Variants in SP110 observed in about 807,000 individuals in gnomAD.
SP110 encodes the protein SP110 nuclear body protein.
SP110 carries 62 observed loss-of-function variants against 92.7 expected under a neutral mutation model. The ratio of observed to expected loss-of-function variants is 0.67; its 90% CI spans 0.55 to 0.83. The LOEUF (loss-of-function observed/expected upper bound fraction) is 0.83. Among genes scored for constraint, SP110 ranks in the 40% least tolerant of loss-of-function variants. The pLI is 0.00. For synonymous variants in SP110, 273 were observed against 305.3 expected, an observed-to-expected ratio of 0.89 and a Z score of 1.10; for missense variants, 793 against 863.9, an observed-to-expected ratio of 0.92 and a Z score of 1.03.
In SP110 at chr2:230,168,915, TA is replaced by T. The variant is rs2078355767; in HGVS notation, c.*208del. 3 of 376,004 alleles carry T rather than the reference TA, an allele frequency of 8.0e-6. No individual in the cohort carries two copies. The highest frequency in any genetic ancestry group is 3.2e-5 in the African/African-American group (1 of 31,470). The allele number at this position is 376,004 out of a possible 1,614,324, so 23.3% of individuals were successfully genotyped here. On this transcript the variant is annotated 3_prime_UTR_variant, in exon 19 of 19. Transcript: ENST00000258381. ...GTATCTGATGGTATTAAGGAAGTAT[TA>T]ATTTTTTTTTTTTTTAGTGTAGATA...
Position 230,214,988 on chromosome 2 carries a change from T to C in SP110, c.278A>G (p.Tyr93Cys). 6.2e-7 allele frequency: 1 copy of C among 1,614,076 alleles called. No homozygotes were observed. Among genetic ancestry groups the C allele is most frequent in the African/African-American group, 1.3e-5 (1 of 75,040 alleles). The change falls in exon 3 of 19, where the codon TAT becomes TGT. Residue 93 changes from tyrosine (Y) to cysteine (C), a missense_variant. Tyr to Cys is a radical substitution (Grantham distance 194). Transcript: ENST00000258381. ...TLFSQINLRE[Y>C]PNLVTIYRSF... ...TCTGTAAATCGTCACCAGATTGGGA[T>C]ATTCACGCAGGTTAATTTGACTGAA...
intron 10 of SP110, among the ~76,000 whole-genome samples, chr2:230,197,484 T>C (rs1439868303): frequency 1.3e-5 from 2 of 148,840 alleles, no homozygotes; most frequent in African/African-American, 4.9e-5. Context: ...TTTCTCCCAT[T>C]TTGTAGGTTG....
At chr2:230,184,702 C>CA (rs34261579) in intron 11 of SP110, among the ~76,000 whole-genome samples, 119,712 of 151,294 alleles carry the variant, frequency 0.79, 47,414 homozygotes, top group Admixed American at 0.84. Context: ...ACGGATTTAA[C>CA]AAAAAAAAAT....
upstream of SP110, among the ~76,000 whole-genome samples, chr2:230,221,150 G>A (rs188009474): frequency 2.6e-5 from 4 of 151,536 alleles, no homozygotes; most frequent in Admixed American, 1.3e-4. Flanking sequence ...ATGTGGTGGC[G>A]GGAACCTGTA....
At chr2:230,180,655 A>T (rs2042090009) in intron 12 of SP110, among the ~76,000 whole-genome samples, 1 of 152,188 alleles carries the variant, frequency 6.6e-6, no homozygotes, top group Admixed American at 6.5e-5. Context: ...CACATGCCAG[A>T]CCCAGTATCT....
rs1305659101 is a variant in SP110 at position 230,186,077 on chromosome 2, T to G, written c.1196A>C (p.Lys399Thr). The G allele has an allele frequency of 6.2e-7, 1 of 1,614,128 alleles. No individual in the cohort carries two copies. The highest frequency in any genetic ancestry group is 1.1e-5 in the South Asian group (1 of 91,082). Residue 399 changes from lysine to threonine, a missense_variant, in exon 11 of 19, where the codon AAA becomes ACA. Lys to Thr is a moderately conservative substitution (Grantham distance 78). Transcript: ENST00000258381. ...LQVVDKVTQR[K>T]DDSTWNSEVM... The stretch of plus-strand genomic sequence containing the variant: ...CTCTGAGTTCCAGGTTGAGTCGTCT[T>G]TCCTTTGAGTCACCTTATCCACCAC...
intron 7 of SP110, among the ~76,000 whole-genome samples, chr2:230,209,325 GT>G (rs948543501): frequency 2.0e-5 from 3 of 152,248 alleles, no homozygotes; most frequent in Non-Finnish European, 4.4e-5. Context: ...TAACAGAGTT[GT>G]CTGTTATCCG....
chr2:230,200,784 A>G (rs1325277876), intron 10 of SP110, 101 bp downstream of exon 10: 1 of 938,510 alleles, frequency 1.1e-6, no homozygotes, highest in Non-Finnish European at 1.8e-6. Context: ...GCACAGTAAT[A>G]ATGAAAAAAA....
intron 10 of SP110, among the ~76,000 whole-genome samples, chr2:230,195,788 CA>C (rs1376090096): frequency 6.6e-6 from 1 of 151,594 alleles, no homozygotes; most frequent in African/African-American, 2.4e-5. Context: ...ACAGAAGGAG[CA>C]GGACTGAAAA....
At chr2:230,181,594 C>T (rs1217590767) in intron 12 of SP110, among the ~76,000 whole-genome samples, 2 of 152,058 alleles carry the variant, frequency 1.3e-5, no homozygotes, top group African/African-American at 2.4e-5. Context: ...GGAACTTAAA[C>T]AAATTTACAA....
intron 7 of SP110, among the ~76,000 whole-genome samples, chr2:230,208,600 A>C (rs2044134963): frequency 6.6e-6 from 1 of 152,198 alleles, no homozygotes; most frequent in Non-Finnish European, 1.5e-5. Context: ...AAAGTCACTG[A>C]TTGAGCAAAA....
At chr2:230,194,728 G>T (rs1185932907) in intron 10 of SP110, among the ~76,000 whole-genome samples, 1 of 152,186 alleles carries the variant, frequency 6.6e-6, no homozygotes, top group Non-Finnish European at 1.5e-5. Flanking sequence ...TGGGGATTTA[G>T]GTTTCTTGTG....
chr2:230,202,609 T>A lies in SP110; in HGVS notation c.1018A>T (p.Thr340Ser), dbSNP rs202134678. The A allele has an allele frequency of 1.9e-6, 3 of 1,613,802 alleles. No individual in the cohort carries two copies. The highest frequency in any genetic ancestry group is 2.5e-6 in the Non-Finnish European group (3 of 1,179,738). ...GATCTCGACTTTCGGGCACATTCAGTTCTCGCCTTTTGGGCCCTTGTCTCT... is the reference window on the plus strand; with the variant it reads ...GATCTCGACTTTCGGGCACATTCAGATCTCGCCTTTTGGGCCCTTGTCTCT... Reference protein sequence around the residue: ...TVETRAQKARTECARKSRSEE... With the variant: ...TVETRAQKARSECARKSRSEE... Residue 340 changes from threonine (T) to serine (S), a missense_variant, in exon 9 of 19, where the codon ACT (threonine) becomes TCT (serine). Coordinates refer to ENST00000258381, the MANE Select transcript of SP110 (RefSeq NM_080424.4).
At chr2:230,169,834 C>T (rs1416658611) in intron 18 of SP110, among the ~76,000 whole-genome samples, 1 of 152,218 alleles carries the variant, frequency 6.6e-6, no homozygotes, top group Non-Finnish European at 1.5e-5. Flanking sequence ...GAAGCCCACT[C>T]GCTGAGGAAG....
At chr2:230,225,043 TA>T (rs2046160931) in intron 1 of SP110, among the ~76,000 whole-genome samples, 1 of 152,220 alleles carries the variant, frequency 6.6e-6, no homozygotes, top group African/African-American at 2.4e-5. Context: ...TATCCTCCTG[TA>T]TCATATTGTC....
chr2:230,206,595 T>TTTTATA (rs1317441117), intron 8 of SP110, among the ~76,000 whole-genome samples: 20 of 70,526 alleles, frequency 2.8e-4, no homozygotes, highest in Non-Finnish European at 4.8e-4. Context: ...GGTCCAGATT[T>TTTTATA]TATATATATA....
At chr2:230,180,587 G>A (rs2042086981) in intron 12 of SP110, among the ~76,000 whole-genome samples, 1 of 152,188 alleles carries the variant, frequency 6.6e-6, no homozygotes, top group African/African-American at 2.4e-5. Flanking sequence ...GTCAGATGTG[G>A]AGAGAGAATT....
Position 230,178,137 on chromosome 2 carries a change from C to T in SP110, c.1447+20G>A. 3 of 1,478,832 alleles carry T rather than the reference C, an allele frequency of 2.0e-6. No homozygotes were observed. The highest frequency in any genetic ancestry group is 2.3e-5 in the East Asian group (1 of 44,062). The allele number at this position is 1,478,832 out of a possible 1,614,324, so 91.6% of individuals were successfully genotyped here. On this transcript the variant is annotated intron_variant, in intron 13 of 18. Coordinates refer to ENST00000258381, the MANE Select transcript of SP110 (RefSeq NM_080424.4). Reference sequence around the variant, plus strand: ...TCCTTCATCTAGGGATTCCAAAGAGCAGAAGACCAAGGAACTCACCGTGTT... The same window carrying T: ...TCCTTCATCTAGGGATTCCAAAGAGTAGAAGACCAAGGAACTCACCGTGTT...
At chr2:230,180,086 C>T (rs1485495032) in intron 12 of SP110, among the ~76,000 whole-genome samples, 2 of 152,174 alleles carry the variant, frequency 1.3e-5, no homozygotes, top group African/African-American at 4.8e-5. Flanking sequence ...CTAACGGCAG[C>T]TGGCTTGTTT....
Sources: gnomAD v4.1 joint callset for allele counts (sites outside exome capture counted in the v4.1 genomes callset) on GRCh38, gnomAD v4.1.1 for gene constraint, MANE v1.5 for transcripts, NCBI Gene and HGNC (gene_info 2026-07-23, HGNC 2026-07-21) for gene names.